Variants in OCA2 observed in about 807,000 individuals in gnomAD.
The protein encoded by OCA2 is OCA2 melanosomal transmembrane protein.
In OCA2, 77 loss-of-function variants were observed where a neutral mutation model predicts 100.2. The ratio of observed to expected loss-of-function variants is 0.77; its 90% CI spans 0.64 to 0.93. The LOEUF (loss-of-function observed/expected upper bound fraction) is 0.93. Ranked by LOEUF, OCA2 falls within the 40% of genes least tolerant of loss-of-function variation. The pLI is 0.00. For missense variants in OCA2, 1,062 were observed against 1,089.1 expected (o/e 0.98, Z 0.35); for synonymous variants, 432 against 439.2 (o/e 0.98, Z 0.21).
chr15:27,756,627 C>T (rs1283207910), intron 23 of OCA2, among the ~76,000 whole-genome samples: 2 of 152,202 alleles, frequency 1.3e-5, no homozygotes. Flanking sequence ...ACACAACCCA[C>T]GACAGTGTCT....
At chr15:28,032,453 G>A (rs1379255278) in intron 2 of OCA2, among the ~76,000 whole-genome samples, 1 of 152,096 alleles carries the variant, frequency 6.6e-6, no homozygotes, top group Non-Finnish European at 1.5e-5. Flanking sequence ...GGAGATTCAG[G>A]CCACCTTTGC....
rs1265728180 is a variant in OCA2 at position 28,043,561 on chromosome 15, C to T, written c.228-11398G>A. Among the ~76,000 whole-genome samples the T allele has an allele frequency of 2.0e-5, 3 of 152,094 alleles. No homozygotes were observed. The highest frequency in any genetic ancestry group is 2.1e-4 in the South Asian group (1 of 4,824). On this transcript the variant is annotated intron_variant, in intron 2 of 23. Coordinates refer to ENST00000354638, the MANE Select transcript of OCA2 (RefSeq NM_000275.3). This position sits in a 1 kb window ranked among gnomAD's most constrained non-coding sequence, Gnocchi z 4.4. ...TGCAATCCTTCCTTTTCAAAGCAAA[C>T]GGATGGAACATGAAAGACTCCTGTT...
intron 18 of OCA2, among the ~76,000 whole-genome samples, chr15:27,949,613 A>G (rs1289208257): frequency 6.6e-6 from 1 of 152,192 alleles, no homozygotes; most frequent in African/African-American, 2.4e-5. Flanking sequence ...CACTGAGTTG[A>G]GATTGTGCCA....
intron 1 of OCA2, among the ~76,000 whole-genome samples, chr15:28,086,064 T>C (rs1484902810): frequency 1.3e-5 from 2 of 152,144 alleles, no homozygotes; most frequent in African/African-American, 4.8e-5. Context: ...AGTAGGGAGT[T>C]TGGACATTCA....
intron 12 of OCA2, among the ~76,000 whole-genome samples, chr15:27,985,688 TTGAG>T (rs2140984004): frequency 6.8e-6 from 1 of 147,840 alleles, no homozygotes; most frequent in Admixed American, 6.9e-5. Flanking sequence ...AAGGGCTTTG[TTGAG>T]TAATTTTTTT....
chr15:27,886,023 C>T (rs1810245807), intron 19 of OCA2, among the ~76,000 whole-genome samples: 1 of 152,166 alleles, frequency 6.6e-6, no homozygotes, highest in South Asian at 2.1e-4. Flanking sequence ...GGGAAGGCTG[C>T]CCTGAGGATG....
intron 9 of OCA2, among the ~76,000 whole-genome samples, chr15:28,008,538 G>A (rs962274911): frequency 6.6e-6 from 1 of 152,162 alleles, no homozygotes; most frequent in Non-Finnish European, 1.5e-5. Context: ...AATACAAAAT[G>A]TGAGGTCCCG....
chr15:27,775,955 G>T (rs941166143), intron 23 of OCA2, among the ~76,000 whole-genome samples: 10 of 152,226 alleles, frequency 6.6e-5, no homozygotes, highest in Non-Finnish European at 1.0e-4. Flanking sequence ...CGGGGACATG[G>T]TTTAGTCCAT....
At chr15:27,975,367 T>C (rs1436447328) in intron 14 of OCA2, among the ~76,000 whole-genome samples, 1 of 152,248 alleles carries the variant, frequency 6.6e-6, no homozygotes, top group Non-Finnish European at 1.5e-5. Context: ...GAACTATTTT[T>C]CTACCTATTC....
At chr15:27,729,095 G>T in the OCA2 span, among the ~76,000 whole-genome samples, 1 of 151,944 alleles carries the variant, frequency 6.6e-6, no homozygotes, top group East Asian at 1.9e-4. Flanking sequence ...TCTGCTATTG[G>T]CCCCCTTTTC....
chr15:27,827,674 A>G (rs185701116), intron 23 of OCA2, among the ~76,000 whole-genome samples: 10 of 152,316 alleles, frequency 6.6e-5, no homozygotes, highest in African/African-American at 2.2e-4. Context: ...ACATTCTGGA[A>G]AAGGGGGATA....
chr15:27,929,377 T>A, intron 18 of OCA2, among the ~76,000 whole-genome samples: 1 of 152,210 alleles, frequency 6.6e-6, no homozygotes, highest in East Asian at 1.9e-4. Flanking sequence ...GATTCAATGG[T>A]GGTTTAATAC....
intron 18 of OCA2, among the ~76,000 whole-genome samples, chr15:27,935,201 G>A (rs1471201129): frequency 6.6e-6 from 1 of 152,166 alleles, no homozygotes. Context: ...AATTAAAAAT[G>A]CAGTTGAGTG....
intron 14 of OCA2, among the ~76,000 whole-genome samples, chr15:27,968,110 C>T (rs1162746003): frequency 1.3e-5 from 2 of 152,188 alleles, no homozygotes; most frequent in Admixed American, 6.5e-5. Flanking sequence ...CTTTCACAGA[C>T]GTCCTGGAGT....
At chr15:27,765,268 A>C (rs1203911199) in intron 23 of OCA2, among the ~76,000 whole-genome samples, 1 of 152,142 alleles carries the variant, frequency 6.6e-6, no homozygotes, top group African/African-American at 2.4e-5. Context: ...AAAGCCCACC[A>C]AGAGTTTTGC....
chr15:27,897,860 C>T (rs1595599835), intron 19 of OCA2, among the ~76,000 whole-genome samples: 1 of 152,212 alleles, frequency 6.6e-6, no homozygotes, highest in Non-Finnish European at 1.5e-5. Context: ...TGCAGAGCCA[C>T]AGGGACCGAG....
In OCA2 at chr15:27,770,975, CT is replaced by C. The variant is rs1320542842; in HGVS notation, c.2433-15504del. Among the ~76,000 whole-genome samples the C allele has an allele frequency of 7.5e-5, 7 of 93,388 alleles. No individual in the cohort carries two copies. In the East Asian group the frequency reaches 2.8e-3, roughly 37 times the overall value. 61.3% of individuals were successfully genotyped at this position (93,388 alleles called of 152,430 possible). On this transcript the variant is annotated intron_variant, in intron 23 of 23. Transcript: ENST00000354638. The stretch of plus-strand genomic sequence containing the variant: ...CCATCTTTCCTTCCTCCCTCCCTTC[CT>C]TTCCTTCTTTCTTCCTTCCCTTCCT...
chr15:27,946,138 C>T (rs1267287112), intron 18 of OCA2, among the ~76,000 whole-genome samples: 1 of 152,044 alleles, frequency 6.6e-6, no homozygotes, highest in East Asian at 1.9e-4. Context: ...TACATTATAT[C>T]CAAAATTCAG....
intron 18 of OCA2, among the ~76,000 whole-genome samples, chr15:27,928,636 G>A (rs2039133922): frequency 6.6e-6 from 1 of 152,146 alleles, no homozygotes; most frequent in African/African-American, 2.4e-5. Context: ...TGAGGCCCCT[G>A]TTTCCTTACT....
Sources: allele counts gnomAD v4.1 joint callset (sites outside exome capture counted in the v4.1 genomes callset), GRCh38; gene constraint gnomAD v4.1.1; non-coding constraint Gnocchi (gnomAD v3.1); transcripts MANE v1.5; gene names NCBI Gene and HGNC (gene_info 2026-07-23, HGNC 2026-07-21).